Variants in SNTG1 observed in about 807,000 individuals in gnomAD.
SNTG1 encodes syntrophin gamma 1, also known as gamma-1-syntrophin.
A neutral mutation model predicts 74.7 loss-of-function variants in SNTG1; 39 were observed. That is an observed-to-expected ratio of 0.52 (90% confidence interval 0.40 to 0.68). The LOEUF (loss-of-function observed/expected upper bound fraction) is 0.68, where lower values mean the gene tolerates loss of function less well. Ranked by LOEUF, SNTG1 falls within the 30% of genes least tolerant of loss-of-function variation. SNTG1 has a pLI of 0.00. For missense variants in SNTG1, 685 were observed against 609.5 expected, an observed-to-expected ratio of 1.12 and a Z score of -1.30; for synonymous variants, 254 against 217.1, an observed-to-expected ratio of 1.17 and a Z score of -1.49.
At chr8:50,779,203 TA>T (rs2095650716) in intron 18 of SNTG1, among the ~76,000 whole-genome samples, 1 of 152,202 alleles carries the variant, frequency 6.6e-6, no homozygotes, top group South Asian at 2.1e-4. Context: ...TTTGGTTCCA[TA>T]TGAACTTTAA....
chr8:50,174,990 G>T (rs2082944552), intron 2 of SNTG1, among the ~76,000 whole-genome samples: 1 of 151,206 alleles, frequency 6.6e-6, no homozygotes, highest in Non-Finnish European at 1.5e-5. Context: ...GCGATAGTTT[G>T]CTGAGAATGA....
intron 1 of SNTG1, among the ~76,000 whole-genome samples, chr8:50,050,360 C>T (rs1169781659): frequency 6.6e-6 from 1 of 151,770 alleles, no homozygotes. Context: ...ACAAAATGGA[C>T]CATCTTCTTG....
intron 1 of SNTG1, among the ~76,000 whole-genome samples, chr8:50,130,947 C>A (rs1287186955): frequency 2.0e-5 from 3 of 151,984 alleles, no homozygotes; most frequent in African/African-American, 7.2e-5. Flanking sequence ...TATTCATTGA[C>A]TGTAAACTTG....
chr8:50,788,315 A>C (rs181910386), intron 18 of SNTG1, among the ~76,000 whole-genome samples: 1 of 152,170 alleles, frequency 6.6e-6, no homozygotes. Flanking sequence ...TACAGAATGT[A>C]ATTTTCTCCA....
Position 49,973,669 on chromosome 8 carries a change from T to C in SNTG1, c.-103+61438T>C, listed in dbSNP as rs1780473851. Among the ~76,000 whole-genome samples, 3 of 152,280 alleles carry C rather than the reference T, an allele frequency of 2.0e-5. No homozygotes were observed. The East Asian group carries it at 5.8e-4, about 29-fold the overall frequency. On this transcript the variant is annotated intron_variant, in intron 1 of 18. Transcript: ENST00000642720. ...AAGGAATAAAAATGAAAACACAGTATATACTGAAGAAAAGAGTATTCCTGT... is the reference window on the plus strand; with the variant it reads ...AAGGAATAAAAATGAAAACACAGTACATACTGAAGAAAAGAGTATTCCTGT...
chr8:50,703,257 C>G (rs2095432270), intron 15 of SNTG1, among the ~76,000 whole-genome samples: 1 of 152,104 alleles, frequency 6.6e-6, no homozygotes, highest in Non-Finnish European at 1.5e-5. Context: ...CAAAATTATT[C>G]TATATCCTTA....
chr8:50,313,152 A>G (rs1399494596), intron 2 of SNTG1, among the ~76,000 whole-genome samples: 1 of 149,908 alleles, frequency 6.7e-6, no homozygotes, highest in Non-Finnish European at 1.5e-5. Flanking sequence ...CCCCATATAC[A>G]AGAATCGACT....
intron 2 of SNTG1, among the ~76,000 whole-genome samples, chr8:50,258,826 A>T (rs928895551): frequency 6.6e-6 from 1 of 152,132 alleles, no homozygotes; most frequent in Non-Finnish European, 1.5e-5. Flanking sequence ...ACATAATGAG[A>T]TTACCGCCTG....
intron 13 of SNTG1, among the ~76,000 whole-genome samples, chr8:50,648,743 T>TA (rs985807725): frequency 8.6e-5 from 13 of 151,914 alleles, no homozygotes; most frequent in Non-Finnish European, 1.5e-4. Context: ...TTTAATTATT[T>TA]AAAAAAAATC....
intron 18 of SNTG1, among the ~76,000 whole-genome samples, chr8:50,771,606 C>T (rs1036360620): frequency 2.0e-4 from 30 of 151,826 alleles, no homozygotes; most frequent in African/African-American, 6.3e-4. Context: ...AGGGTTGGGT[C>T]CAGTGAGTAG....
intron 15 of SNTG1, among the ~76,000 whole-genome samples, chr8:50,690,633 T>C (rs552429713): frequency 1.3e-5 from 2 of 152,330 alleles, no homozygotes; most frequent in South Asian, 2.1e-4. Context: ...TCATTTCTGG[T>C]CTTTTGCATT....
intron 13 of SNTG1, among the ~76,000 whole-genome samples, chr8:50,656,394 A>G (rs1212570777): frequency 6.6e-6 from 1 of 152,172 alleles, no homozygotes; most frequent in East Asian, 1.9e-4. Context: ...TCTAAGATCA[A>G]TGATTAAAAG....
chr8:50,744,533 T>G (rs140434189), intron 17 of SNTG1, among the ~76,000 whole-genome samples: 71 of 152,066 alleles, frequency 4.7e-4, no homozygotes, highest in African/African-American at 1.6e-3. Context: ...TGATATTTTT[T>G]GAAGAAATAG....
chr8:50,289,394 C>A (rs1353847350), intron 2 of SNTG1, among the ~76,000 whole-genome samples: 2 of 152,128 alleles, frequency 1.3e-5, no homozygotes, highest in African/African-American at 4.8e-5. Flanking sequence ...TTTTGTAGCA[C>A]AATCATGCAT....
At chr8:50,780,017 G>T (rs1344756931) in intron 18 of SNTG1, among the ~76,000 whole-genome samples, 1 of 152,136 alleles carries the variant, frequency 6.6e-6, no homozygotes, top group Non-Finnish European at 1.5e-5. Flanking sequence ...ATTGATTTGT[G>T]TATACTGAAG....
chr8:50,196,926 G>A (rs2083793938), intron 2 of SNTG1, among the ~76,000 whole-genome samples: 1 of 152,056 alleles, frequency 6.6e-6, no homozygotes, highest in Non-Finnish European at 1.5e-5. Flanking sequence ...AAGTTGCAGT[G>A]AGCTGAGATC....
At chr8:49,973,172 T>A (rs984614140) in intron 1 of SNTG1, among the ~76,000 whole-genome samples, 2 of 152,126 alleles carry the variant, frequency 1.3e-5, no homozygotes, top group African/African-American at 4.8e-5. Flanking sequence ...CACCATGGAA[T>A]ACTATGCAGC....
intron 1 of SNTG1, among the ~76,000 whole-genome samples, chr8:50,073,663 A>G (rs1821573858): frequency 6.6e-6 from 1 of 152,110 alleles, no homozygotes; most frequent in African/African-American, 2.4e-5. Context: ...CAGCAACTCA[A>G]AATTACTCTT....
At position 50,384,147 on chromosome 8, in the gene SNTG1, G is replaced by A. The variant is rs144497885; in HGVS notation, c.-27-10065G>A. Among the ~76,000 whole-genome samples the A allele has an allele frequency of 7.2e-3, 1,101 of 152,268 alleles. 15 individuals are homozygous for A. Among genetic ancestry groups the A allele is most frequent in the African/African-American group, 0.023 (969 of 41,540 alleles). On this transcript the variant is annotated intron_variant, in intron 2 of 18. Coordinates refer to ENST00000642720, the MANE Select transcript of SNTG1 (RefSeq NM_018967.5). ...TATTGAACATATACAGCTTCCTGGAGAACTTTGACTCAGCCCTGCAAGAAA... is the reference window on the plus strand; with the variant it reads ...TATTGAACATATACAGCTTCCTGGAAAACTTTGACTCAGCCCTGCAAGAAA...
Sources: allele counts gnomAD v4.1 joint callset (sites outside exome capture counted in the v4.1 genomes callset), GRCh38; gene constraint gnomAD v4.1.1; transcripts MANE v1.5; gene names NCBI Gene and HGNC (gene_info 2026-07-23, HGNC 2026-07-21).